Variants in PRKCE observed in about 807,000 individuals in gnomAD.
PRKCE encodes protein kinase C epsilon.
A neutral mutation model predicts 85.4 loss-of-function variants in PRKCE; 16 were observed. The ratio of observed to expected loss-of-function variants is 0.19; its 90% CI spans 0.13 to 0.28. PRKCE has a LOEUF of 0.28. Ranked by LOEUF, PRKCE falls within the 10% of genes least tolerant of loss-of-function variation. The pLI is 1.00. For missense variants in PRKCE, 573 were observed against 975.2 expected (o/e 0.59, Z 5.49); for synonymous variants, 388 against 371.5 (o/e 1.04, Z -0.51).
At chr2:45,787,373 A>C (rs1686692141) in intron 1 of PRKCE, among the ~76,000 whole-genome samples, 1 of 152,228 alleles carries the variant, frequency 6.6e-6, no homozygotes, top group Non-Finnish European at 1.5e-5. Context: ...AGAGAGACAC[A>C]AAGTCAGAGA....
intron 11 of PRKCE, among the ~76,000 whole-genome samples, chr2:46,098,267 G>T (rs746666652): frequency 4.6e-5 from 7 of 152,130 alleles, no homozygotes; most frequent in Non-Finnish European, 1.0e-4. Flanking sequence ...GTTGGGCAAA[G>T]AACTTAACTT....
chr2:45,997,212 T>A (rs2104697161), intron 6 of PRKCE, among the ~76,000 whole-genome samples: 1 of 152,264 alleles, frequency 6.6e-6, no homozygotes, highest in East Asian at 1.9e-4. Flanking sequence ...TCTCTCTCTC[T>A]CACTAGCCTT....
At chr2:45,840,959 G>A (rs1057008975) in intron 1 of PRKCE, among the ~76,000 whole-genome samples, 3 of 152,146 alleles carry the variant, frequency 2.0e-5, no homozygotes, top group Non-Finnish European at 4.4e-5. Flanking sequence ...ACAGAGCCTT[G>A]GGAGGGTGAA....
intron 11 of PRKCE, among the ~76,000 whole-genome samples, chr2:46,100,337 C>T (rs1277275860): frequency 6.6e-6 from 1 of 152,170 alleles, no homozygotes; most frequent in African/African-American, 2.4e-5. Flanking sequence ...GTTTTCCTCC[C>T]TCTCTAATTT....
At chr2:45,990,998 C>CCTTT (rs1472249575) in intron 6 of PRKCE, among the ~76,000 whole-genome samples, 1 of 150,748 alleles carries the variant, frequency 6.6e-6, no homozygotes, top group African/African-American at 2.4e-5. Flanking sequence ...TTTCTTTCTT[C>CCTTT]CTTTCTTTCT....
intron 10 of PRKCE, among the ~76,000 whole-genome samples, chr2:46,073,210 A>G (rs1056157564): frequency 1.3e-5 from 2 of 152,212 alleles, no homozygotes; most frequent in African/African-American, 4.8e-5. Context: ...GAAGGAACTC[A>G]TTGTAGAACA....
rs369178277 is a variant in PRKCE, at chr2:45,823,857, G to A, written c.349-19143G>A. 9.2e-5 allele frequency among the ~76,000 whole-genome samples: 14 copies of A among 152,370 alleles called. No homozygotes were observed. The South Asian group carries it at 1.7e-3, about 18-fold the overall frequency. ...TGCTCTGGACAACTGGGTCTGTTCC[G>A]TGCTGGCAGAGCTTTCGCAGAGGCC... On this transcript the variant is annotated intron_variant, in intron 1 of 14. Transcript: ENST00000306156.
chr2:45,988,673 G>A (rs909352949), intron 6 of PRKCE, among the ~76,000 whole-genome samples: 5 of 152,294 alleles, frequency 3.3e-5, no homozygotes, highest in African/African-American at 1.2e-4. Flanking sequence ...TTCATTTTGT[G>A]ACTCAAGTGC....
chr2:46,185,289 G>T lies in PRKCE; in HGVS notation c.*408G>T. ...TCGGACACAGATCCTGATCCCTCTTGCTTCTTTTCCCTCCTGCACCGCAGC... is the reference window on the plus strand; with the variant it reads ...TCGGACACAGATCCTGATCCCTCTTTCTTCTTTTCCCTCCTGCACCGCAGC... On this transcript the variant is annotated 3_prime_UTR_variant, in exon 15 of 15. Coordinates refer to ENST00000306156, the MANE Select transcript of PRKCE (RefSeq NM_005400.3). The surrounding 1 kb of genome is among the most constrained non-coding windows in gnomAD (Gnocchi z 4.7). 5.8e-6 allele frequency: 1 copy of T among 171,918 alleles called. No individual in the cohort carries two copies. Among genetic ancestry groups the T allele is most frequent in the Admixed American group, 6.0e-5 (1 of 16,718 alleles). 10.6% of individuals were successfully genotyped at this position (171,918 alleles called of 1,614,324 possible). A position where few individuals can be genotyped will look rare whatever the true frequency, so the allele number is the denominator to read the frequency against.
At chr2:45,715,127 T>C (rs1288300046) in intron 1 of PRKCE, among the ~76,000 whole-genome samples, 1 of 152,254 alleles carries the variant, frequency 6.6e-6, no homozygotes, top group African/African-American at 2.4e-5. Flanking sequence ...GCATAACTCA[T>C]TCACTCACTT....
intron 1 of PRKCE, among the ~76,000 whole-genome samples, chr2:45,695,221 T>C (rs1678046338): frequency 6.6e-6 from 1 of 152,238 alleles, no homozygotes; most frequent in Non-Finnish European, 1.5e-5. Flanking sequence ...CTTTGGTCTC[T>C]TCCCCTTAGC....
chr2:45,712,758 T>C (rs1452625925), intron 1 of PRKCE, among the ~76,000 whole-genome samples: 1 of 152,144 alleles, frequency 6.6e-6, no homozygotes, highest in Non-Finnish European at 1.5e-5. Flanking sequence ...CTCCCTCCTC[T>C]GGGCTTCCAT....
intron 9 of PRKCE, among the ~76,000 whole-genome samples, chr2:46,008,414 A>G (rs977906152): frequency 6.6e-6 from 1 of 152,202 alleles, no homozygotes; most frequent in African/African-American, 2.4e-5. Flanking sequence ...CAGGGAGCAG[A>G]GGAAGCTGTT....
At chr2:46,065,636 A>G (rs1301112454) in intron 10 of PRKCE, among the ~76,000 whole-genome samples, 1 of 152,182 alleles carries the variant, frequency 6.6e-6, no homozygotes, top group East Asian at 1.9e-4. Flanking sequence ...AAAATTACAT[A>G]CTTCTGGTTG....
Position 45,970,317 on chromosome 2 carries a change from G to C in PRKCE, c.413-6112G>C, listed in dbSNP as rs370162709. On this transcript the variant is annotated intron_variant, in intron 2 of 14. Coordinates refer to ENST00000306156, the MANE Select transcript of PRKCE (RefSeq NM_005400.3). The stretch of plus-strand genomic sequence containing the variant: ...TTGCATTTCAAAATTCCTGATTATA[G>C]TCAGTATCTTATGAAAATTTTATGT... Among the ~76,000 whole-genome samples the C allele has an allele frequency of 5.3e-5, 8 of 152,220 alleles. No individual in the cohort carries two copies. The South Asian group carries it at 1.5e-3, about 28-fold the overall frequency.
At chr2:45,836,895 C>G (rs775684250) in intron 1 of PRKCE, among the ~76,000 whole-genome samples, 1 of 152,198 alleles carries the variant, frequency 6.6e-6, no homozygotes. Context: ...CCTCTCTCCA[C>G]GCCTTTGTGC....
At chr2:45,842,688 T>C (rs1187334013) in intron 1 of PRKCE, among the ~76,000 whole-genome samples, 1 of 152,178 alleles carries the variant, frequency 6.6e-6, no homozygotes, top group African/African-American at 2.4e-5. Flanking sequence ...ATCTCTGGCC[T>C]CCACCCACTA....
intron 12 of PRKCE, among the ~76,000 whole-genome samples, chr2:46,146,688 G>T (rs920083179): frequency 1.3e-5 from 2 of 152,206 alleles, no homozygotes; most frequent in African/African-American, 2.4e-5. Flanking sequence ...GGCAGGGTCT[G>T]TGTTTCTAAT....
intron 1 of PRKCE, chr2:45,677,706 T>C (rs141266508): frequency 5.0e-6 from 1 of 198,958 alleles, no homozygotes; most frequent in East Asian, 1.9e-4. Flanking sequence ...GATTAGAACA[T>C]TAGGAAACTG....
Sources: gnomAD v4.1 joint callset for allele counts (sites outside exome capture counted in the v4.1 genomes callset) on GRCh38, gnomAD v4.1.1 for gene constraint, Gnocchi (gnomAD v3.1) non-coding constraint, MANE v1.5 for transcripts, NCBI Gene and HGNC (gene_info 2026-07-23, HGNC 2026-07-21) for gene names.